Variants in KANSL3 observed in about 807,000 individuals in gnomAD.
The protein encoded by KANSL3 is NSL complex protein NSL3.
Under a neutral mutation model 89.2 loss-of-function variants are expected in KANSL3, and 16 were observed. The observed-to-expected ratio is 0.18, with a 90% CI of 0.12 to 0.27. The LOEUF (loss-of-function observed/expected upper bound fraction) is 0.27. Among genes scored for constraint, KANSL3 ranks in the 10% least tolerant of loss-of-function variants. The pLI, the probability that KANSL3 is intolerant of heterozygous loss-of-function variation, is 1.00. For synonymous variants in KANSL3, 385 were observed against 419.7 expected, an observed-to-expected ratio of 0.92 and a Z score of 1.01; for missense variants, 879 against 1,110.6, an observed-to-expected ratio of 0.79 and a Z score of 2.96.
intron 3 of KANSL3, among the ~76,000 whole-genome samples, chr2:96,620,308 C>T (rs979511961): frequency 6.6e-6 from 1 of 152,070 alleles, no homozygotes; most frequent in Non-Finnish European, 1.5e-5. Flanking sequence ...ATATTCTACC[C>T]CACACTAATC....
intron 3 of KANSL3, among the ~76,000 whole-genome samples, chr2:96,630,740 A>C (rs1411645556): frequency 6.6e-6 from 1 of 152,212 alleles, no homozygotes; most frequent in Non-Finnish European, 1.5e-5. Context: ...ACAGGGACAA[A>C]TAACCAGGAG....
At chr2:96,602,508 A>G (rs180712991) in intron 18 of KANSL3, among the ~76,000 whole-genome samples, 170 bp from the exon 19 acceptor site, 2 of 152,328 alleles carry the variant, frequency 1.3e-5, no homozygotes, top group East Asian at 1.9e-4. Context: ...TAACAACTCT[A>G]TGAGGGAGGT....
In KANSL3 at chr2:96,604,331, C is replaced by T. The variant is rs1207995868; in HGVS notation, c.2068G>A (p.Val690Ile). ...GCACTGGGTGCAGTGCTGCTGGAGA[C>T]CACTGAAGGGACTGGGCTGGCTGAG... is the stretch of plus-strand genomic sequence containing the variant. ...GVSASPVPSVVSSSTAPSALH... is the reference protein window; with the variant it reads ...GVSASPVPSVISSSTAPSALH... Residue 690 changes from valine (V) to isoleucine (I), a missense_variant, in exon 17 of 21, where the codon GTC (valine) becomes ATC (isoleucine). Around this residue, in one of 6 missense-constraint regions of KANSL3, gnomAD observed 317 missense variants for 311.2 expected, o/e 1.02. Coordinates refer to ENST00000431828, the MANE Select transcript of KANSL3 (RefSeq NM_001115016.3). 1 of 1,613,334 alleles carries T rather than the reference C, an allele frequency of 6.2e-7. No individual in the cohort carries two copies. The highest frequency in any genetic ancestry group is 1.1e-5 in the South Asian group (1 of 91,080).
At chr2:96,601,000 G>A (rs190146321) in intron 20 of KANSL3, 5 of 624,768 alleles carry the variant, frequency 8.0e-6, no homozygotes, top group Non-Finnish European at 1.0e-5. Flanking sequence ...TAAAAACAAA[G>A]AAAGGGCCAG....
rs963772653 is a variant in KANSL3 at position 96,594,479 on chromosome 2, T to G, written c.*1132A>C. ...GGTTGGTACCAACAGCCCTGCATAG[T>G]AGAGTCACTGTCAATCATCTTCCCA... On this transcript the variant is annotated 3_prime_UTR_variant, in exon 21 of 21. Coordinates refer to ENST00000431828, the MANE Select transcript of KANSL3 (RefSeq NM_001115016.3). The G allele has an allele frequency of 1.3e-5, 2 of 152,202 alleles. No homozygotes were observed. Among genetic ancestry groups the G allele is most frequent in the African/African-American group, 2.4e-5 (1 of 41,440 alleles). The allele number at this position is 152,202 out of a possible 1,614,324, so 9.4% of individuals were successfully genotyped here. A position where few individuals can be genotyped will look rare whatever the true frequency, so the allele number is the denominator to read the frequency against.
intron 20 of KANSL3, among the ~76,000 whole-genome samples, chr2:96,598,992 C>T (rs2066829823): frequency 7.0e-6 from 1 of 142,938 alleles, no homozygotes; most frequent in South Asian, 2.3e-4. Context: ...GGAAAAAATT[C>T]AAAACTATCA....
intron 15 of KANSL3, 103 bp from the exon 16 acceptor site, chr2:96,604,966 T>C: frequency 2.1e-6 from 2 of 939,830 alleles, no homozygotes; most frequent in East Asian, 2.7e-5. Flanking sequence ...GGACGAAAAC[T>C]GGAAAATGAA....
the KANSL3 span, among the ~76,000 whole-genome samples, chr2:96,584,784 T>C: frequency 6.6e-6 from 1 of 152,220 alleles, no homozygotes; most frequent in Non-Finnish European, 1.5e-5. Flanking sequence ...CACACTTAGG[T>C]TGATCCTCTA....
At chr2:96,619,064 CATG>C (rs2070757164) in intron 5 of KANSL3, among the ~76,000 whole-genome samples, 1 of 152,204 alleles carries the variant, frequency 6.6e-6, no homozygotes, top group Non-Finnish European at 1.5e-5. Context: ...TCGTCTCCTT[CATG>C]ATAATTCAAT....
chr2:96,582,998 A>G, the KANSL3 span, among the ~76,000 whole-genome samples: 1 of 152,144 alleles, frequency 6.6e-6, no homozygotes, highest in Non-Finnish European at 1.5e-5. Flanking sequence ...TCTTCCTGTG[A>G]GTATCCCCTC....
rs371218727 is a variant in KANSL3, at chr2:96,631,392, C to T, written c.306G>A (p.Glu102=). Residue 102 remains glutamate, a synonymous_variant, in exon 3 of 21, where the codon GAG becomes GAA. Transcript: ENST00000431828. The part of the protein sequence containing the change: ...DNQKARSVMN[E]CERHVIFART... Reference sequence around the variant, plus strand: ...TGGCAAAGATGACATGCCGTTCACACTCATTCATCACGCTGCGTGCCTTCT... The same window carrying T: ...TGGCAAAGATGACATGCCGTTCACATTCATTCATCACGCTGCGTGCCTTCT... 3.0e-4 allele frequency: 491 copies of T among 1,610,268 alleles called. No individual in the cohort carries two copies. Among genetic ancestry groups the T allele is most frequent in the Non-Finnish European group, 3.8e-4 (453 of 1,178,280 alleles).
intron 20 of KANSL3, chr2:96,601,304 C>T: frequency 1.0e-6 from 1 of 984,344 alleles, no homozygotes; most frequent in Non-Finnish European, 1.2e-6. Flanking sequence ...GAGCATTAGC[C>T]AAGTAGCCTC....
At chr2:96,615,257 C>T (rs2069830501) in intron 5 of KANSL3, 1 of 157,714 alleles carries the variant, frequency 6.3e-6, no homozygotes. Flanking sequence ...TTCTATGTTC[C>T]CTAAATTTCC....
intron 15 of KANSL3, 53 bp from the exon 16 acceptor site, chr2:96,604,916 T>C: frequency 6.9e-7 from 1 of 1,451,972 alleles, no homozygotes. Flanking sequence ...GGCCTCTATG[T>C]TTCCAGGTTC....
At chr2:96,628,866 C>G (rs1466117864) in intron 3 of KANSL3, among the ~76,000 whole-genome samples, 1 of 151,986 alleles carries the variant, frequency 6.6e-6, no homozygotes, top group East Asian at 1.9e-4. Flanking sequence ...ATAACCATAC[C>G]AGGCCACCTT....
At chr2:96,608,441 G>C in intron 14 of KANSL3, 67 bp downstream of exon 14, 1 of 1,526,232 alleles carries the variant, frequency 6.6e-7, no homozygotes, top group Non-Finnish European at 9.0e-7. Flanking sequence ...TCAATACTGT[G>C]CAACTGCCAT....
rs1314450878 is a variant in KANSL3, at chr2:96,613,612, G to A, written c.671C>T (p.Thr224Ile). Residue 224 changes from threonine to isoleucine, a missense_variant, in exon 6 of 21, where the codon ACC becomes ATC. By Grantham distance (89) the Thr-to-Ile change is moderately conservative. Around this residue, in one of 6 missense-constraint regions of KANSL3, gnomAD observed 210 missense variants for 311.9 expected, o/e 0.67. Coordinates refer to ENST00000431828, the MANE Select transcript of KANSL3 (RefSeq NM_001115016.3). ...TGACACAAGCATCCGGTCAATCAAG[G>A]TTGGGATCTACAAAGAAGAAAGAGC... The part of the protein sequence containing the change: ...ALQTLKGKIP[T>I]LIDRMLVSSN... 6.2e-7 allele frequency: 1 copy of A among 1,612,390 alleles called. No individual in the cohort carries two copies. The highest frequency in any genetic ancestry group is 8.5e-7 in the Non-Finnish European group (1 of 1,179,102).
At chr2:96,623,299 C>T (rs1055564516) in intron 3 of KANSL3, among the ~76,000 whole-genome samples, 7 of 152,164 alleles carry the variant, frequency 4.6e-5, no homozygotes, top group Admixed American at 2.6e-4. Context: ...TTATGTCTTT[C>T]GCCATACCAA....
intron 2 of KANSL3, among the ~76,000 whole-genome samples, chr2:96,634,583 T>C (rs1048565331): frequency 4.6e-5 from 7 of 152,066 alleles, no homozygotes; most frequent in African/African-American, 1.7e-4. Context: ...TATGATACAT[T>C]GCACCAACTT....
Sources: gnomAD v4.1 joint callset for allele counts (sites outside exome capture counted in the v4.1 genomes callset) on GRCh38, gnomAD v4.1.1 for gene constraint, gnomAD v4.1.1 regional missense constraint, MANE v1.5 for transcripts, NCBI Gene and HGNC (gene_info 2026-07-23, HGNC 2026-07-21) for gene names.